Variants in GRK4 observed in about 807,000 individuals in gnomAD.
The protein encoded by GRK4 is G protein-coupled receptor kinase 2-like.
GRK4 carries 73 observed loss-of-function variants against 77.9 expected under a neutral mutation model. The observed-to-expected ratio is 0.94, with a 90% CI of 0.78 to 1.14. The LOEUF (loss-of-function observed/expected upper bound fraction) is 1.14, where lower values mean the gene tolerates loss of function less well. GRK4 is among the 50% of genes most tolerant of loss of function. The pLI, the probability that GRK4 is intolerant of heterozygous loss-of-function variation, is 0.00. For missense variants in GRK4, 729 were observed against 700.2 expected (o/e 1.04, Z -0.46); for synonymous variants, 257 against 254.4 (o/e 1.01, Z -0.10).
Position 3,037,367 on chromosome 4 carries a change from T to G in GRK4, c.1408-7T>G. 6.3e-7 allele frequency: 1 copy of G among 1,579,378 alleles called. No individual in the cohort carries two copies. ...TCTCAGAGGCTGCCCCTGTTCTTGCTACACAGCCTCATGCCGTTTACTGTA... is the reference window on the plus strand; with the variant it reads ...TCTCAGAGGCTGCCCCTGTTCTTGCGACACAGCCTCATGCCGTTTACTGTA... On this transcript the variant is annotated splice_region_variant and splice_polypyrimidine_tract_variant and intron_variant, in intron 13 of 15. Transcript: ENST00000398052.
chr4:3,039,171 G>A (rs551788971), intron 15 of GRK4, among the ~76,000 whole-genome samples: 60 of 152,166 alleles, frequency 3.9e-4, no homozygotes, highest in Middle Eastern at 3.4e-3. Flanking sequence ...AGCCGAGATC[G>A]TGCCACTGTA....
chr4:2,970,656 C>CA (rs929303208), intron 1 of GRK4, among the ~76,000 whole-genome samples: 2,195 of 119,980 alleles, frequency 0.018, 51 homozygotes, highest in African/African-American at 0.058. Flanking sequence ...GACTCCATCT[C>CA]AAAAAAAAAA....
intron 10 of GRK4, 142 bp from the exon 11 acceptor site, chr4:3,027,770 C>T (rs1737976382): frequency 8.3e-6 from 5 of 600,770 alleles, no homozygotes; most frequent in Non-Finnish European, 1.4e-5. Context: ...AGTTAAATGC[C>T]ATTTTACGTT....
At chr4:2,974,046 C>T (rs923588863) in intron 1 of GRK4, among the ~76,000 whole-genome samples, 6 of 152,128 alleles carry the variant, frequency 3.9e-5, no homozygotes, top group African/African-American at 9.7e-5. Flanking sequence ...GACAGGGTCT[C>T]GCTATGTTGC....
chr4:3,002,448 A>G (rs1730100503), intron 4 of GRK4, among the ~76,000 whole-genome samples: 1 of 152,158 alleles, frequency 6.6e-6, no homozygotes, highest in Non-Finnish European at 1.5e-5. Context: ...TACAAACAAT[A>G]CAAAGATCAG....
intron 1 of GRK4, among the ~76,000 whole-genome samples, chr4:2,976,796 C>A (rs3021141): frequency 0.36 from 54,780 of 151,892 alleles, 10,316 homozygotes; most frequent in African/African-American, 0.43. Context: ...CATGCCACCA[C>A]GTCCGGCTAA....
At chr4:2,990,246 C>CTTTTTTTTTTTTTTT (rs71644371) in intron 3 of GRK4, among the ~76,000 whole-genome samples, 2 of 70,716 alleles carry the variant, frequency 2.8e-5, no homozygotes, top group African/African-American at 6.3e-5. Context: ...TCTTCTTCTT[C>CTTTTTTTTTTTTTTT]TTTTTTTTTT....
chr4:2,976,634 T>G, intron 1 of GRK4, among the ~76,000 whole-genome samples: 1 of 143,198 alleles, frequency 7.0e-6, no homozygotes, highest in Admixed American at 6.8e-5. Flanking sequence ...TTTCTTTCTT[T>G]TTTTTTTTTT....
chr4:2,966,391 GACAGAGCGA>G (rs1396143357), intron 1 of GRK4: 2 of 151,200 alleles, frequency 1.3e-5, no homozygotes, highest in East Asian at 1.9e-4. Context: ...CAGCCTGGGT[GACAGAGCGA>G]GACTCCGTCT....
rs533084682 is a variant in GRK4, at chr4:2,997,435, T to C, written c.339+5143T>C. 3.3e-5 allele frequency among the ~76,000 whole-genome samples: 5 copies of C among 152,288 alleles called. No homozygotes were observed. The South Asian group carries it at 1.0e-3, about 32-fold the overall frequency. On this transcript the variant is annotated intron_variant, in intron 4 of 15. Transcript: ENST00000398052. The stretch of plus-strand genomic sequence containing the variant: ...AATGAAATTAGTCCCTTCATGAAAG[T>C]GGAACCTCTTAAATGCCTTTTAATG...
chr4:3,008,964 G>A (rs1233754475), intron 6 of GRK4, among the ~76,000 whole-genome samples: 2 of 152,022 alleles, frequency 1.3e-5, no homozygotes, highest in South Asian at 2.1e-4. Context: ...ACGTATATAC[G>A]TCATCTTCTT....
chr4:2,977,615 A>G (rs545790579), intron 1 of GRK4, among the ~76,000 whole-genome samples: 5 of 152,324 alleles, frequency 3.3e-5, no homozygotes, highest in African/African-American at 7.2e-5. Flanking sequence ...GTGGGTGAGT[A>G]GACTGTGCTT....
chr4:3,023,700 C>T (rs1359256683), intron 10 of GRK4, among the ~76,000 whole-genome samples: 3 of 152,122 alleles, frequency 2.0e-5, no homozygotes, highest in Non-Finnish European at 4.4e-5. Context: ...CCAGAGGTGG[C>T]TTTGGGTGGG....
At chr4:3,004,201 G>A in intron 4 of GRK4, 30 bp from the exon 5 acceptor site, 1 of 1,391,032 alleles carries the variant, frequency 7.2e-7, no homozygotes, top group Admixed American at 1.7e-5. Context: ...AATCACTAAT[G>A]GTTATGTATT....
rs575243005 is a variant in GRK4 at position 2,975,786 on chromosome 4, T to C, written c.53-8727T>C. ...TGGATCCAAGTTCTTCAGCACTATATTTCTCTCAGAAACATAGTCAGCTTT... is the reference window on the plus strand; with the variant it reads ...TGGATCCAAGTTCTTCAGCACTATACTTCTCTCAGAAACATAGTCAGCTTT... On this transcript the variant is annotated intron_variant, in intron 1 of 15. Transcript: ENST00000398052. 2.1e-4 allele frequency among the ~76,000 whole-genome samples: 32 copies of C among 152,350 alleles called. No homozygotes were observed. In the South Asian group the frequency reaches 6.6e-3, roughly 32 times the overall value.
intron 1 of GRK4, 67 bp downstream of exon 1, chr4:2,964,189 C>T: frequency 7.6e-7 from 1 of 1,322,082 alleles, no homozygotes. Context: ...AACCCTGGCC[C>T]CCCTGAAGGA....
In GRK4 at chr4:3,013,706, C is replaced by T. The variant is rs773527943; in HGVS notation, c.619C>T (p.Arg207Ter). The T allele has an allele frequency of 2.5e-6, 4 of 1,609,560 alleles. No homozygotes were observed. The highest frequency in any genetic ancestry group is 2.2e-5 in the East Asian group (1 of 44,812). ...AAACTAGGTTTGCGCCTGTCAAGTG[C>T]GAGCCACAGGAAAAATGTATGCCTG... ...GFGEVCACQVRATGKMYACKK... is the reference protein window; with the variant it reads ...GFGEVCACQV The change falls in exon 8 of 16, where the codon CGA (arginine) becomes TGA (stop). Residue 207 changes from arginine (R) to a stop codon, truncating the protein, a stop_gained. Transcript: ENST00000398052. LOFTEE classifies it high-confidence loss of function.
intron 1 of GRK4, chr4:2,965,805 T>A (rs1026879519): frequency 2.6e-5 from 8 of 306,786 alleles, no homozygotes; most frequent in Non-Finnish European, 4.4e-5. Context: ...AATCAGGGAG[T>A]CCCAGAGCAG....
chr4:3,009,795 C>A, intron 7 of GRK4, 84 bp downstream of exon 7: 1 of 921,816 alleles, frequency 1.1e-6, no homozygotes, highest in South Asian at 1.4e-5. Context: ...GGTAATGCAT[C>A]AGCTCTCCCA....
Sources: allele counts gnomAD v4.1 joint callset (sites outside exome capture counted in the v4.1 genomes callset), GRCh38; gene constraint gnomAD v4.1.1; transcripts MANE v1.5; gene names NCBI Gene and HGNC (gene_info 2026-07-23, HGNC 2026-07-21).